Variants in ARMC9 observed in about 807,000 individuals in gnomAD.
The protein encoded by ARMC9 is armadillo repeat containing 9, also known as lisH domain-containing protein ARMC9.
Under a neutral mutation model 107.0 loss-of-function variants are expected in ARMC9, and 94 were observed. That is an observed-to-expected ratio of 0.88 (90% CI 0.74 to 1.04). ARMC9 has a LOEUF of 1.04. ARMC9 is among the 50% of genes least tolerant of loss of function. ARMC9 has a pLI of 0.00. For missense variants in ARMC9, 942 were observed against 1,030.1 expected, an observed-to-expected ratio of 0.91 and a Z score of 1.17; for synonymous variants, 380 against 396.9, an observed-to-expected ratio of 0.96 and a Z score of 0.51.
intron 9 of ARMC9, among the ~76,000 whole-genome samples, chr2:231,246,959 AT>A (rs34751620): frequency 2.0e-3 from 284 of 144,398 alleles, no homozygotes; most frequent in Non-Finnish European, 2.0e-3. Flanking sequence ...CACTTGGCTA[AT>A]TTTTTTTTTT....
chr2:231,245,310 T>C (rs930134869), intron 9 of ARMC9, among the ~76,000 whole-genome samples: 2 of 152,206 alleles, frequency 1.3e-5, no homozygotes, highest in African/African-American at 4.8e-5. Flanking sequence ...CACAAGAGGC[T>C]GAGTTTTTTG....
intron 19 of ARMC9, among the ~76,000 whole-genome samples, chr2:231,324,452 A>C (rs2043196770): frequency 1.4e-5 from 2 of 142,684 alleles, no homozygotes; most frequent in Non-Finnish European, 3.0e-5. Flanking sequence ...CTTTGTTTTA[A>C]TTAAAAAAAA....
intron 9 of ARMC9, among the ~76,000 whole-genome samples, chr2:231,246,912 T>C (rs1007484011): frequency 2.6e-5 from 4 of 151,916 alleles, no homozygotes; most frequent in South Asian, 4.2e-4. Context: ...CCCACCTCAG[T>C]CTCCCAAGCA....
intron 5 of ARMC9, among the ~76,000 whole-genome samples, chr2:231,221,848 AG>A (rs1399377719): frequency 6.7e-6 from 1 of 149,106 alleles, no homozygotes; most frequent in Non-Finnish European, 1.5e-5. Context: ...AAAAAAAAAA[AG>A]AACTTTCTGC....
intron 1 of ARMC9, among the ~76,000 whole-genome samples, chr2:231,203,536 A>T (rs1031650851): frequency 6.6e-6 from 1 of 152,158 alleles, no homozygotes; most frequent in Admixed American, 6.5e-5. Flanking sequence ...CAACATGCAT[A>T]TTAAAAAATG....
At chr2:231,232,608 C>G (rs747228604) in intron 7 of ARMC9, among the ~76,000 whole-genome samples, 9 of 151,918 alleles carry the variant, frequency 5.9e-5, no homozygotes, top group Non-Finnish European at 1.0e-4. Flanking sequence ...TGCACCACCA[C>G]ACCTGGCTAA....
chr2:231,332,175 G>A (rs1398326470), intron 20 of ARMC9, among the ~76,000 whole-genome samples: 1 of 152,238 alleles, frequency 6.6e-6, no homozygotes. Flanking sequence ...CCTGGCCCCA[G>A]TAGCAATTGC....
chr2:231,268,654 A>G (rs1230081893), intron 12 of ARMC9, among the ~76,000 whole-genome samples: 1 of 152,210 alleles, frequency 6.6e-6, no homozygotes, highest in Non-Finnish European at 1.5e-5. Context: ...GAGATCATGT[A>G]TGGTCAAGAA....
chr2:231,342,153 G>A (rs949380801), intron 20 of ARMC9, among the ~76,000 whole-genome samples: 2 of 152,224 alleles, frequency 1.3e-5, no homozygotes, highest in African/African-American at 4.8e-5. Context: ...GGGAAGCCCA[G>A]GCCAGCAAGA....
chr2:231,318,056 C>T (rs542007894), intron 19 of ARMC9, among the ~76,000 whole-genome samples: 1 of 151,650 alleles, frequency 6.6e-6, no homozygotes, highest in South Asian at 2.1e-4. Flanking sequence ...TTTGTTTCTG[C>T]TGTATCTAGT....
At chr2:231,199,809 C>T (rs1448286719) in intron 1 of ARMC9, among the ~76,000 whole-genome samples, 2 of 152,076 alleles carry the variant, frequency 1.3e-5, no homozygotes, top group Non-Finnish European at 2.9e-5. Flanking sequence ...GATTCTCTTG[C>T]CTCAGCCTCC....
intron 23 of ARMC9, among the ~76,000 whole-genome samples, chr2:231,361,625 T>G (rs2045589763): frequency 6.6e-6 from 1 of 152,090 alleles, no homozygotes; most frequent in South Asian, 2.1e-4. Context: ...CTCTTTCTTT[T>G]GGATCTGGAG....
chr2:231,248,396 C>T (rs1443566348), intron 9 of ARMC9, among the ~76,000 whole-genome samples: 3 of 152,106 alleles, frequency 2.0e-5, no homozygotes, highest in African/African-American at 7.2e-5. Flanking sequence ...CTTCATGTTC[C>T]AGGAAGGACT....
chr2:231,240,579 A>G (rs186505368), intron 9 of ARMC9, among the ~76,000 whole-genome samples: 1 of 152,314 alleles, frequency 6.6e-6, no homozygotes, highest in East Asian at 1.9e-4. Flanking sequence ...AGGATAAATT[A>G]TATATATTAT....
intron 21 of ARMC9, among the ~76,000 whole-genome samples, chr2:231,352,465 A>AATTTT (rs1164474274): frequency 6.6e-6 from 1 of 150,752 alleles, no homozygotes; most frequent in Non-Finnish European, 1.5e-5. Context: ...ACGCCCAGCT[A>AATTTT]ATTTTATTTT....
At position 231,306,191 on chromosome 2, in the gene ARMC9, ATTAC is replaced by A. The variant is rs2042026509; in HGVS notation, c.1773+9941_1773+9944del. On this transcript the variant is annotated intron_variant, in intron 19 of 24. Coordinates refer to ENST00000611582, the MANE Select transcript of ARMC9 (RefSeq NM_001352754.2). Reference sequence around the variant, plus strand: ...TGAGTCAGAGAACTTTCCCTCCCTTATTACTTCCCTCCTTCTTGCCACTAGTTGG... The same window carrying A: ...TGAGTCAGAGAACTTTCCCTCCCTTATTCCCTCCTTCTTGCCACTAGTTGG... Among the ~76,000 whole-genome samples, 5 of 152,222 alleles carry A rather than the reference ATTAC, an allele frequency of 3.3e-5. No homozygotes were observed. In the South Asian group the frequency reaches 1.0e-3, roughly 32 times the overall value.
At chr2:231,351,427 C>G (rs1164029685) in intron 21 of ARMC9, among the ~76,000 whole-genome samples, 1 of 152,042 alleles carries the variant, frequency 6.6e-6, no homozygotes, top group Non-Finnish European at 1.5e-5. Flanking sequence ...CCGTTTAAAC[C>G]AGTGGTGTTG....
At chr2:231,304,582 A>T (rs2041942391) in intron 19 of ARMC9, among the ~76,000 whole-genome samples, 1 of 152,174 alleles carries the variant, frequency 6.6e-6, no homozygotes, top group Non-Finnish European at 1.5e-5. Flanking sequence ...TTTTTAGTAG[A>T]GACAGGGCTT....
Position 231,332,706 on chromosome 2 carries a change from G to A in ARMC9, c.1878+809G>A, listed in dbSNP as rs114967925. Among the ~76,000 whole-genome samples the A allele has an allele frequency of 2.3e-3, 356 of 152,286 alleles. 2 individuals are homozygous for A. The highest frequency in any genetic ancestry group is 0.01 in the Middle Eastern group (3 of 294). The stretch of plus-strand genomic sequence containing the variant: ...CGCAGATATCTCAGAGAGCAGGTAG[G>A]GGGGCCTGGTGGGATGCTGGAGTGT... On this transcript the variant is annotated intron_variant, in intron 20 of 24. Transcript: ENST00000611582.
Sources: gnomAD v4.1 joint callset for allele counts (sites outside exome capture counted in the v4.1 genomes callset) on GRCh38, gnomAD v4.1.1 for gene constraint, MANE v1.5 for transcripts, NCBI Gene and HGNC (gene_info 2026-07-23, HGNC 2026-07-21) for gene names.